Variants in TBXAS1 observed in about 807,000 individuals in gnomAD.
TBXAS1 encodes thromboxane A synthase 1, also known as thromboxane-A synthase.
Under a neutral mutation model 60.7 loss-of-function variants are expected in TBXAS1, and 48 were observed. The observed-to-expected ratio is 0.79, with a 90% CI of 0.63 to 1.01. The LOEUF (loss-of-function observed/expected upper bound fraction) is 1.01. Among genes scored for constraint, TBXAS1 ranks in the 50% least tolerant of loss-of-function variants. TBXAS1 has a pLI of 0.00. For synonymous variants in TBXAS1, 287 were observed against 269.7 expected (o/e 1.06, Z -0.63); for missense variants, 685 against 686.3 (o/e 1.00, Z 0.02).
chr7:139,962,049 A>ACCAGC lies in TBXAS1; in HGVS notation c.958_962dup (p.Met322AlafsTer7), dbSNP rs769720072. The ACCAGC allele has an allele frequency of 5.6e-6, 9 of 1,614,070 alleles. No individual in the cohort carries two copies. The East Asian group carries it at 1.6e-4, about 28-fold the overall frequency. ...TGCAAGCCGAACCCTTCCCGGCAAC[A>ACCAGC]CCAGCCCAGCCCTATGGCCAGGCCT... On this transcript the variant is annotated frameshift_variant, in exon 9 of 13. Coordinates refer to ENST00000448866, the MANE Select transcript of TBXAS1 (RefSeq NM_001061.7). LOFTEE classifies it high-confidence loss of function.
chr7:139,846,520 C>G (rs1270870595), intron 1 of TBXAS1, among the ~76,000 whole-genome samples: 3 of 152,212 alleles, frequency 2.0e-5, no homozygotes, highest in African/African-American at 7.2e-5. Flanking sequence ...TAAACATTAG[C>G]TCTTAGTGTT....
chr7:139,866,820 CAT>C (rs1801451060), intron 1 of TBXAS1, among the ~76,000 whole-genome samples: 1 of 151,644 alleles, frequency 6.6e-6, no homozygotes, highest in Non-Finnish European at 1.5e-5. Context: ...TAATAGCAAA[CAT>C]ATAAAAAATA....
intron 1 of TBXAS1, among the ~76,000 whole-genome samples, chr7:139,869,246 C>G (rs1402254795): frequency 2.0e-5 from 3 of 152,142 alleles, no homozygotes; most frequent in Non-Finnish European, 4.4e-5. Flanking sequence ...TTTGACATAC[C>G]TTGGCTTGCA....
At chr7:139,838,640 A>C (rs1350877496) in intron 1 of TBXAS1, among the ~76,000 whole-genome samples, 1 of 152,232 alleles carries the variant, frequency 6.6e-6, no homozygotes. Flanking sequence ...TGTATGCGTG[A>C]ATTTGGAAAA....
chr7:139,894,096 G>A (rs568472723), intron 3 of TBXAS1, among the ~76,000 whole-genome samples: 12 of 152,270 alleles, frequency 7.9e-5, no homozygotes, highest in East Asian at 5.8e-4. Context: ...CTGCCCCAGC[G>A]CCATTCTTGA....
intron 5 of TBXAS1, among the ~76,000 whole-genome samples, chr7:139,938,766 T>G (rs1481528538): frequency 6.6e-6 from 1 of 151,938 alleles, no homozygotes; most frequent in Non-Finnish European, 1.5e-5. Flanking sequence ...AAGAACCTCA[T>G]GTGTGAAAAA....
At chr7:139,972,974 C>T (rs1180237491) in intron 9 of TBXAS1, among the ~76,000 whole-genome samples, 2 of 151,960 alleles carry the variant, frequency 1.3e-5, no homozygotes, top group African/African-American at 4.8e-5. Context: ...TAGATAAAGC[C>T]TGTGAGTTAC....
intron 4 of TBXAS1, among the ~76,000 whole-genome samples, chr7:139,922,086 ACTTTTT>A: frequency 6.7e-6 from 1 of 148,514 alleles, no homozygotes; most frequent in Non-Finnish European, 1.5e-5. Context: ...GTCATTGAGA[ACTTTTT>A]CTTTTTCTTT....
chr7:139,824,829 C>CTTTTCTTTTTTTTTTTTTTT (rs1401847052), upstream of TBXAS1, among the ~76,000 whole-genome samples: 2 of 38,862 alleles, frequency 5.1e-5, 1 homozygote, highest in African/African-American at 1.9e-4. Context: ...TTTTCCTTTT[C>CTTTTCTTTTTTTTTTTTTTT]TTTTTTTTTT....
At chr7:139,993,355 A>G (rs1225275980) in intron 9 of TBXAS1, among the ~76,000 whole-genome samples, 2 of 152,198 alleles carry the variant, frequency 1.3e-5, no homozygotes, top group Non-Finnish European at 2.9e-5. Context: ...TCCATTGCAC[A>G]ATGTATCAAA....
intron 9 of TBXAS1, among the ~76,000 whole-genome samples, chr7:139,988,135 A>T (rs1488050967): frequency 6.6e-6 from 1 of 152,260 alleles, no homozygotes; most frequent in Admixed American, 6.5e-5. Flanking sequence ...AGCTGAGCAC[A>T]GCTGCAGAGG....
At chr7:139,807,203 C>T (rs1797899543) in intron 4 of TBXAS1, among the ~76,000 whole-genome samples, 1 of 152,140 alleles carries the variant, frequency 6.6e-6, no homozygotes, top group Non-Finnish European at 1.5e-5. Flanking sequence ...CTTTTCACCT[C>T]ATTGAACTTT....
At chr7:139,782,851 A>G (rs754965306) in intron 3 of TBXAS1, 2 of 151,968 alleles carry the variant, frequency 1.3e-5, no homozygotes, top group African/African-American at 2.4e-5. Flanking sequence ...GTATCTTTCT[A>G]TCTTTTCCAC....
rs75121185 is a variant in TBXAS1 at position 139,912,586 on chromosome 7, G to A, written c.333+1265G>A. Among the ~76,000 whole-genome samples, 678 of 152,230 alleles carry A rather than the reference G, an allele frequency of 4.5e-3. 6 individuals are homozygous for A. Among genetic ancestry groups the A allele is most frequent in the African/African-American group, 0.016 (648 of 41,552 alleles). On this transcript the variant is annotated intron_variant, in intron 4 of 12. Transcript: ENST00000448866. ...TGACTGTAAAGAGACAGTGTCCCTC[G>A]AGGAACTCTCGGTTTAGTGAGGGAG...
At chr7:139,939,394 A>G (rs976850563) in intron 5 of TBXAS1, among the ~76,000 whole-genome samples, 31 of 132,966 alleles carry the variant, frequency 2.3e-4, no homozygotes, top group African/African-American at 7.7e-4. Flanking sequence ...AAAAAAAAAA[A>G]GCCAAGAGGT....
rs755704969 is a variant in TBXAS1 at position 139,955,558 on chromosome 7, C to A, written c.639C>A (p.Cys213Ter). 7 of 1,614,118 alleles carry A rather than the reference C, an allele frequency of 4.3e-6. No homozygotes were observed. The East Asian group carries it at 1.6e-4, about 36-fold the overall frequency. Residue 213 changes from cysteine to a stop codon, truncating the protein, a stop_gained, in exon 7 of 13, where the codon TGC (cysteine) becomes TGA (stop). Transcript: ENST00000448866. LOFTEE classifies it high-confidence loss of function. The part of the protein sequence containing the change: ...QAPEDPFVKH[C>*]KRFFEFCIPR... ...CTGAGGATCCCTTTGTGAAACACTG[C>A]AAGCGTTTCTTCGAATTCTGCATCC... is the stretch of plus-strand genomic sequence containing the variant.
chr7:139,958,694 G>A (rs1018360187), intron 8 of TBXAS1, among the ~76,000 whole-genome samples: 4 of 152,336 alleles, frequency 2.6e-5, no homozygotes, highest in East Asian at 1.9e-4. Context: ...CAGCAGCCGC[G>A]TCCTGTGCAG....
Position 139,976,401 on chromosome 7 carries a change from C to T in TBXAS1, c.1134+14168C>T, listed in dbSNP as rs1405116642. Among the ~76,000 whole-genome samples the T allele has an allele frequency of 5.3e-5, 8 of 152,226 alleles. No homozygotes were observed. In the East Asian group the frequency reaches 7.7e-4, roughly 15 times the overall value. On this transcript the variant is annotated intron_variant, in intron 9 of 12. Coordinates refer to ENST00000448866, the MANE Select transcript of TBXAS1 (RefSeq NM_001061.7). The stretch of plus-strand genomic sequence containing the variant: ...ACTCCCAGCTGGAAGGAGACTGGAT[C>T]GGCCACCCTCACCAAATTCCCAGAT...
At chr7:140,007,604 G>C (rs865950915) in intron 10 of TBXAS1, among the ~76,000 whole-genome samples, 3 of 152,210 alleles carry the variant, frequency 2.0e-5, no homozygotes, top group Middle Eastern at 3.4e-3. Context: ...ACTGATCTTG[G>C]AGCTGGCATT....
Sources: allele counts gnomAD v4.1 joint callset (sites outside exome capture counted in the v4.1 genomes callset), GRCh38; gene constraint gnomAD v4.1.1; transcripts MANE v1.5; gene names NCBI Gene and HGNC (gene_info 2026-07-23, HGNC 2026-07-21).